FOCAD: variants seen among roughly 807,000 people sequenced by gnomAD.
The protein encoded by FOCAD is KIAA1797.
Under a neutral mutation model 225.6 loss-of-function variants are expected in FOCAD, and 198 were observed. That is an observed-to-expected ratio of 0.88 (90% CI 0.78 to 0.99). The LOEUF is 0.99. Ranked by LOEUF, FOCAD falls within the 50% of genes least tolerant of loss-of-function variation. The pLI is 0.00. For missense variants in FOCAD, 2,713 were observed against 2,123.6 expected (o/e 1.28, Z -5.46); for synonymous variants, 897 against 755.0 (o/e 1.19, Z -3.08).
chr9:20,879,131 T>G (rs1270355033), intron 19 of FOCAD, among the ~76,000 whole-genome samples: 2 of 152,186 alleles, frequency 1.3e-5, no homozygotes, highest in Non-Finnish European at 2.9e-5. Flanking sequence ...AGGTATTCCT[T>G]AAGCCAGCCA....
intron 38 of FOCAD, 70 bp from the exon 39 acceptor site, chr9:20,982,287 A>T: frequency 9.0e-7 from 1 of 1,112,156 alleles, no homozygotes; most frequent in Non-Finnish European, 1.3e-6. Context: ...AAAATCTAAT[A>T]ATTTGTCAGA....
At chr9:20,815,137 G>GTTTTTGTTTTTT (rs1823563180) in intron 11 of FOCAD, among the ~76,000 whole-genome samples, 1 of 69,116 alleles carries the variant, frequency 1.4e-5, no homozygotes, top group African/African-American at 6.0e-5. Context: ...TTTTTTTTTT[G>GTTTTTGTTTTTT]TTTTTTTTTT....
At chr9:20,728,742 G>A (rs1826420115) in intron 4 of FOCAD, among the ~76,000 whole-genome samples, 1 of 152,186 alleles carries the variant, frequency 6.6e-6, no homozygotes, top group Admixed American at 6.5e-5. Context: ...CTTTATTGTA[G>A]ACTTTTGGCA....
At chr9:20,826,531 A>G (rs1362388119) in intron 15 of FOCAD, among the ~76,000 whole-genome samples, 2 of 151,988 alleles carry the variant, frequency 1.3e-5, no homozygotes, top group South Asian at 2.1e-4. Context: ...CATATGGCCT[A>G]TTGTGGGGCT....
At chr9:20,681,473 A>G (rs560797608), upstream of FOCAD, among the ~76,000 whole-genome samples, 4 of 152,330 alleles carry the variant, frequency 2.6e-5, no homozygotes, top group East Asian at 5.8e-4. Context: ...CTTTAAATTG[A>G]ATAAATTTAT....
At chr9:20,901,518 A>C (rs1311216198) in intron 21 of FOCAD, among the ~76,000 whole-genome samples, 2 of 151,900 alleles carry the variant, frequency 1.3e-5, no homozygotes, top group East Asian at 3.9e-4. Flanking sequence ...ATTTTCTTGT[A>C]GATGGAATAA....
At chr9:20,767,519 A>G (rs973597271) in intron 7 of FOCAD, among the ~76,000 whole-genome samples, 1 of 151,656 alleles carries the variant, frequency 6.6e-6, no homozygotes, top group Non-Finnish European at 1.5e-5. Context: ...TCGCCATTCT[A>G]ACTGGTGTGA....
upstream of FOCAD, among the ~76,000 whole-genome samples, chr9:20,656,291 G>A: frequency 6.6e-6 from 1 of 151,808 alleles, no homozygotes; most frequent in Non-Finnish European, 1.5e-5. Context: ...TGTCTATTAG[G>A]TCTGCTTGGT....
intron 24 of FOCAD, among the ~76,000 whole-genome samples, chr9:20,922,638 A>G (rs1262312618): frequency 6.6e-6 from 1 of 152,194 alleles, no homozygotes; most frequent in Non-Finnish European, 1.5e-5. Context: ...CATATCTGTT[A>G]TAGTCCTGCC....
At chr9:20,943,717 T>C (rs1836897174) in intron 28 of FOCAD, among the ~76,000 whole-genome samples, 1 of 152,172 alleles carries the variant, frequency 6.6e-6, no homozygotes, top group African/African-American at 2.4e-5. Context: ...TGGAATGTCT[T>C]CTTCGGCAGC....
intron 4 of FOCAD, among the ~76,000 whole-genome samples, chr9:20,736,979 G>T (rs779422417): frequency 1.3e-5 from 2 of 151,788 alleles, no homozygotes; most frequent in South Asian, 2.1e-4. Context: ...GTGGGTTGAG[G>T]GGGATAGTTT....
At chr9:20,814,519 G>A (rs1472526199) in intron 11 of FOCAD, among the ~76,000 whole-genome samples, 1 of 151,758 alleles carries the variant, frequency 6.6e-6, no homozygotes. Context: ...CCAATGCCCA[G>A]CTAATTTCTG....
At chr9:20,951,431 T>A (rs1837678040) in intron 34 of FOCAD, among the ~76,000 whole-genome samples, 1 of 152,172 alleles carries the variant, frequency 6.6e-6, no homozygotes, top group African/African-American at 2.4e-5. Context: ...TCGGAAAGAT[T>A]ACATGAGTTA....
intron 11 of FOCAD, among the ~76,000 whole-genome samples, chr9:20,800,036 A>G (rs1821618207): frequency 6.6e-6 from 1 of 152,140 alleles, no homozygotes. Flanking sequence ...CTTTTAGGAC[A>G]GGCCTGGTGG....
At chr9:20,849,189 C>T (rs1043280181) in intron 15 of FOCAD, among the ~76,000 whole-genome samples, 1 of 151,956 alleles carries the variant, frequency 6.6e-6, no homozygotes, top group African/African-American at 2.4e-5. Flanking sequence ...ATATAGACAT[C>T]TCCCTCCTTT....
At chr9:20,988,262 T>C (rs1205657106) in intron 40 of FOCAD, 70 bp from the exon 41 acceptor site, 1 of 924,790 alleles carries the variant, frequency 1.1e-6, no homozygotes, top group East Asian at 2.5e-5. Flanking sequence ...GTTATGATGG[T>C]TGTTACTGAT....
At chr9:20,773,929 A>T (rs1203663498) in intron 8 of FOCAD, among the ~76,000 whole-genome samples, 1 of 152,108 alleles carries the variant, frequency 6.6e-6, no homozygotes, top group Non-Finnish European at 1.5e-5. Context: ...CTTGTTAGGA[A>T]CTGGGCCACA....
rs761853383 is a variant in FOCAD, at chr9:20,778,749, G to C, written c.975G>C (p.Gln325His). 6.2e-7 allele frequency: 1 copy of C among 1,607,968 alleles called. No individual in the cohort carries two copies. Among genetic ancestry groups the C allele is most frequent in the Non-Finnish European group, 8.5e-7 (1 of 1,175,192 alleles). The change falls in exon 9 of 44, where the codon CAG (glutamine) becomes CAC (histidine). Residue 325 changes from glutamine to histidine, a missense_variant. Coordinates refer to ENST00000338382, the MANE Select transcript of FOCAD (RefSeq NM_001375567.1). The part of the protein sequence containing the change: ...LLLLQTPASQ[Q>H]KPILNLALKL... Reference sequence around the variant, plus strand: ...TTCTACAGACTCCAGCAAGTCAGCAGAAGCCAATCTTAAATCTAGGTAAAT... The same window carrying C: ...TTCTACAGACTCCAGCAAGTCAGCACAAGCCAATCTTAAATCTAGGTAAAT...
chr9:20,743,799 A>G (rs1563935590), intron 5 of FOCAD, among the ~76,000 whole-genome samples: 2 of 152,156 alleles, frequency 1.3e-5, no homozygotes, highest in African/African-American at 2.4e-5. Flanking sequence ...CATGAGAACT[A>G]TTGCTTCAGT....
Sources: allele counts gnomAD v4.1 joint callset (sites outside exome capture counted in the v4.1 genomes callset), GRCh38; gene constraint gnomAD v4.1.1; transcripts MANE v1.5; gene names NCBI Gene and HGNC (gene_info 2026-07-23, HGNC 2026-07-21).